The following ITGA8 variants were observed in gnomAD, a reference collection of about 807,000 sequenced individuals.
The protein encoded by ITGA8 is integrin alpha-8.
In ITGA8, 91 loss-of-function variants were observed where a neutral mutation model predicts 142.3. That is an observed-to-expected ratio of 0.64 (90% CI 0.54 to 0.76). The LOEUF (loss-of-function observed/expected upper bound fraction) is 0.76. Among genes scored for constraint, ITGA8 ranks in the 30% least tolerant of loss-of-function variants. The probability of loss-of-function intolerance (pLI) is 0.00; values close to 1 mark genes in which losing one functional copy is unlikely to be tolerated. For missense variants in ITGA8, 1,406 were observed against 1,327.7 expected, an observed-to-expected ratio of 1.06 and a Z score of -0.92; for synonymous variants, 505 against 485.2, an observed-to-expected ratio of 1.04 and a Z score of -0.54.
At chr10:15,648,951 T>A (rs1017687174) in intron 11 of ITGA8, among the ~76,000 whole-genome samples, 5 of 152,000 alleles carry the variant, frequency 3.3e-5, no homozygotes, top group African/African-American at 1.2e-4. Flanking sequence ...TGGGGAAAAA[T>A]AATATGAGAC....
At chr10:15,690,872 C>T (rs1834921451) in intron 2 of ITGA8, among the ~76,000 whole-genome samples, 1 of 151,952 alleles carries the variant, frequency 6.6e-6, no homozygotes, top group Non-Finnish European at 1.5e-5. Flanking sequence ...CCCTAAAAAG[C>T]TTTTGCACAG....
intron 13 of ITGA8, among the ~76,000 whole-genome samples, chr10:15,641,790 A>G (rs1487241851): frequency 6.6e-6 from 1 of 152,192 alleles, no homozygotes; most frequent in African/African-American, 2.4e-5. Context: ...TGACTAGCAC[A>G]TGGCCTCAAG....
At chr10:15,572,746 T>C (rs1301706496) in intron 24 of ITGA8, among the ~76,000 whole-genome samples, 2 of 152,264 alleles carry the variant, frequency 1.3e-5, no homozygotes, top group African/African-American at 4.8e-5. Context: ...CATTGAAATC[T>C]GCCTCCGCTT....
intron 2 of ITGA8, 76 bp downstream of exon 2, chr10:15,718,690 G>T: frequency 6.4e-7 from 1 of 1,568,018 alleles, no homozygotes; most frequent in Non-Finnish European, 8.7e-7. Flanking sequence ...CACCAAGACA[G>T]CGGGAAGTCG....
At chr10:15,688,152 C>A (rs576616664) in intron 2 of ITGA8, 114 bp from the exon 3 acceptor site, 7 of 722,600 alleles carry the variant, frequency 9.7e-6, no homozygotes, top group Admixed American at 4.6e-5. Flanking sequence ...TTGTCAAACT[C>A]CTCCAAAAAA....
Position 15,572,204 on chromosome 10 carries a change from C to G in ITGA8, c.2637+7G>C. On this transcript the variant is annotated splice_region_variant and intron_variant, in intron 25 of 29. Transcript: ENST00000378076. ...CAACAAAGCCACTGATTAGACCAGA[C>G]TCCTACCTTTATATCCTGTGGATTG... 1.2e-6 allele frequency: 2 copies of G among 1,609,468 alleles called. No homozygotes were observed. The highest frequency in any genetic ancestry group is 1.7e-6 in the Non-Finnish European group (2 of 1,177,302).
intron 25 of ITGA8, among the ~76,000 whole-genome samples, chr10:15,570,508 G>A (rs1035584321): frequency 1.3e-5 from 2 of 151,698 alleles, no homozygotes; most frequent in African/African-American, 4.8e-5. Context: ...TACTTGGGAG[G>A]CTGAGGCAGG....
chr10:15,529,179 G>A (rs1833242706), intron 28 of ITGA8, among the ~76,000 whole-genome samples: 1 of 152,052 alleles, frequency 6.6e-6, no homozygotes, highest in South Asian at 2.1e-4. Context: ...TGAACTCCAG[G>A]GCTCAAGTGA....
intron 20 of ITGA8, among the ~76,000 whole-genome samples, chr10:15,597,591 G>A (rs1022801462): frequency 5.9e-5 from 9 of 152,106 alleles, no homozygotes; most frequent in Non-Finnish European, 1.2e-4. Context: ...TCTTCACTAA[G>A]ATTAATGTGA....
chr10:15,525,056 T>C (rs1438303873), intron 28 of ITGA8, among the ~76,000 whole-genome samples: 1 of 152,180 alleles, frequency 6.6e-6, no homozygotes, highest in Non-Finnish European at 1.5e-5. Context: ...TTGCCTCAGC[T>C]GGAGTGCAGT....
intron 9 of ITGA8, among the ~76,000 whole-genome samples, chr10:15,660,363 C>T (rs9333118): frequency 6.6e-6 from 1 of 152,158 alleles, no homozygotes; most frequent in Admixed American, 6.5e-5. Context: ...GCTGCTCCTG[C>T]ACATGGATCA....
In ITGA8 at chr10:15,578,141, C is replaced by T. The variant is rs187267100; in HGVS notation, c.2373-2547G>A. ...ATAGTCAAGAACACTTCTATCACCA[C>T]GAAGATCCCCTTTTACAGGAACGTC... On this transcript the variant is annotated intron_variant, in intron 23 of 29. Coordinates refer to ENST00000378076, the MANE Select transcript of ITGA8 (RefSeq NM_003638.3). Among the ~76,000 whole-genome samples, 83 of 152,202 alleles carry T rather than the reference C, an allele frequency of 5.5e-4. 2 individuals are homozygous for T. Among genetic ancestry groups the T allele is most frequent in the Admixed American group, 4.6e-3 (70 of 15,280 alleles).
chr10:15,605,835 G>A (rs1833185648), intron 18 of ITGA8, 44 bp from the exon 19 acceptor site: 6 of 1,555,882 alleles, frequency 3.9e-6, no homozygotes, highest in Non-Finnish European at 5.3e-6. Flanking sequence ...AGGAAAATCT[G>A]ATTCACATCC....
chr10:15,620,979 G>T (rs1833480672), intron 13 of ITGA8, among the ~76,000 whole-genome samples: 1 of 152,106 alleles, frequency 6.6e-6, no homozygotes, highest in Non-Finnish European at 1.5e-5. Flanking sequence ...TGTTAATCTA[G>T]AGACAAAGTA....
At chr10:15,642,287 T>G (rs547259854) in intron 13 of ITGA8, among the ~76,000 whole-genome samples, 1 of 152,304 alleles carries the variant, frequency 6.6e-6, no homozygotes, top group South Asian at 2.1e-4. Context: ...TGGCTCTCAT[T>G]TGGGACGTGT....
At chr10:15,712,959 A>T (rs1835388326) in intron 2 of ITGA8, among the ~76,000 whole-genome samples, 1 of 152,250 alleles carries the variant, frequency 6.6e-6, no homozygotes, top group African/African-American at 2.4e-5. Context: ...AATTTTGCAG[A>T]TTAAGCAATA....
chr10:15,659,276 G>T (rs968517624), intron 9 of ITGA8, among the ~76,000 whole-genome samples: 6 of 151,806 alleles, frequency 4.0e-5, no homozygotes, highest in African/African-American at 1.5e-4. Context: ...CAGAAAAAAC[G>T]CATGCTTATT....
chr10:15,567,166 G>A (rs1564355145), intron 25 of ITGA8, among the ~76,000 whole-genome samples: 2 of 145,906 alleles, frequency 1.4e-5, no homozygotes, highest in Admixed American at 6.7e-5. Context: ...AAAAAAAAAA[G>A]AAGAAAAAAA....
intron 27 of ITGA8, 46 bp from the exon 28 acceptor site, chr10:15,531,197 T>C: frequency 9.5e-7 from 1 of 1,050,530 alleles, no homozygotes; most frequent in South Asian, 2.2e-5. Context: ...ATAAAGTTTT[T>C]AAGAGTTATA....
Sources: gnomAD v4.1 joint callset for allele counts (sites outside exome capture counted in the v4.1 genomes callset) on GRCh38, gnomAD v4.1.1 for gene constraint, MANE v1.5 for transcripts, NCBI Gene and HGNC (gene_info 2026-07-23, HGNC 2026-07-21) for gene names.